Variants in MCUB observed in about 807,000 individuals in gnomAD.
The protein encoded by MCUB is calcium uniporter regulatory subunit MCUb, mitochondrial.
Under a neutral mutation model 41.4 loss-of-function variants are expected in MCUB, and 46 were observed. That is an observed-to-expected ratio of 1.11 (90% CI 0.88 to 1.42). The LOEUF is 1.42. Ranked by LOEUF, MCUB falls within the 40% of genes most tolerant of loss-of-function variation. MCUB has a pLI of 0.00. For synonymous variants in MCUB, 148 were observed against 148.2 expected (o/e 1.00, Z 0.01); for missense variants, 403 against 404.9 (o/e 1.00, Z 0.04).
intron 4 of MCUB, 52 bp from the exon 5 acceptor site, chr4:109,682,530 C>A (rs1266664726): frequency 4.8e-6 from 7 of 1,471,212 alleles, no homozygotes; most frequent in Admixed American, 4.1e-5. Context: ...GATTTACACA[C>A]CCTGCGGGAA....
At chr4:109,589,903 C>T (rs1003180747) in intron 1 of MCUB, among the ~76,000 whole-genome samples, 10 of 152,220 alleles carry the variant, frequency 6.6e-5, no homozygotes, top group Non-Finnish European at 1.5e-4. Flanking sequence ...TTATTTAGAA[C>T]TGCCTTATCA....
At chr4:109,666,675 AACGGTCTTGTATCAGAT>A (rs1261281794) in intron 4 of MCUB, among the ~76,000 whole-genome samples, 1 of 152,142 alleles carries the variant, frequency 6.6e-6, no homozygotes, top group African/African-American at 2.4e-5. Flanking sequence ...TGTTTGGGAT[AACGGTCTTGTATCAGAT>A]ACGTCTTTTG....
Position 109,687,871 on chromosome 4 carries a change from G to A in MCUB, c.*279G>A. On this transcript the variant is annotated 3_prime_UTR_variant, in exon 8 of 8. Coordinates refer to ENST00000394650, the MANE Select transcript of MCUB (RefSeq NM_017918.5). ...GTCCCACGTTTATTCTCTATGTGGAGGTGAAAGGGTCTGTGCTTGGCATTC... is the reference window on the plus strand; with the variant it reads ...GTCCCACGTTTATTCTCTATGTGGAAGTGAAAGGGTCTGTGCTTGGCATTC... 1 of 368,090 alleles carries A rather than the reference G, an allele frequency of 2.7e-6. No individual in the cohort carries two copies. Among genetic ancestry groups the A allele is most frequent in the Non-Finnish European group, 4.9e-6 (1 of 204,866 alleles). The allele number at this position is 368,090 out of a possible 1,614,324, so 22.8% of individuals were successfully genotyped here. A position where few individuals can be genotyped will look rare whatever the true frequency, so the allele number is the denominator to read the frequency against.
intron 1 of MCUB, among the ~76,000 whole-genome samples, chr4:109,656,354 C>CTTTTT (rs752851425): frequency 8.0e-5 from 5 of 62,116 alleles, no homozygotes; most frequent in Admixed American, 2.6e-4. Context: ...TTACTCTCTA[C>CTTTTT]TTTTTTTTTT....
In MCUB at chr4:109,687,718, T is replaced by C; in HGVS notation, c.*126T>C. The C allele has an allele frequency of 1.5e-6, 1 of 661,392 alleles. No homozygotes were observed. Among genetic ancestry groups the C allele is most frequent in the Admixed American group, 3.0e-5 (1 of 33,568 alleles). 41.0% of individuals were successfully genotyped at this position (661,392 alleles called of 1,614,324 possible). ...TTATTAAATTCTTGTAAAACAGAAG[T>C]ATTGTTTGAAGTTCTCAACTGAGAT... On this transcript the variant is annotated 3_prime_UTR_variant, in exon 8 of 8. Coordinates refer to ENST00000394650, the MANE Select transcript of MCUB (RefSeq NM_017918.5).
intron 2 of MCUB, among the ~76,000 whole-genome samples, chr4:109,659,717 C>A (rs556437676): frequency 2.0e-5 from 3 of 152,324 alleles, no homozygotes; most frequent in Admixed American, 6.5e-5. Context: ...AGTGCAGTGG[C>A]ACGATCTCGG....
intron 1 of MCUB, among the ~76,000 whole-genome samples, chr4:109,567,860 G>A (rs1384168588): frequency 6.6e-6 from 1 of 151,962 alleles, no homozygotes; most frequent in Admixed American, 6.6e-5. Flanking sequence ...CACCATGCCT[G>A]GCTAATTTTT....
chr4:109,607,291 C>T (rs1463604182), intron 1 of MCUB, among the ~76,000 whole-genome samples: 2 of 152,074 alleles, frequency 1.3e-5, no homozygotes, highest in Non-Finnish European at 2.9e-5. Context: ...GATCTTGGCT[C>T]ACTGCAACCT....
At chr4:109,670,500 C>T (rs1324904583) in intron 4 of MCUB, among the ~76,000 whole-genome samples, 1 of 152,070 alleles carries the variant, frequency 6.6e-6, no homozygotes, top group Non-Finnish European at 1.5e-5. Flanking sequence ...GTGGGGATCA[C>T]TGGGTCAGGA....
At chr4:109,628,813 C>T (rs919219165) in intron 1 of MCUB, among the ~76,000 whole-genome samples, 2 of 152,154 alleles carry the variant, frequency 1.3e-5, no homozygotes, top group South Asian at 2.1e-4. Context: ...AGGACGTGGG[C>T]GCAGGCCCTG....
At chr4:109,681,399 TTGTCTC>T (rs764651752) in intron 4 of MCUB, 6 of 443,852 alleles carry the variant, frequency 1.4e-5, no homozygotes. Flanking sequence ...GGGTCTAAAG[TTGTCTC>T]TGGCGATCTA....
At position 109,613,333 on chromosome 4, in the gene MCUB, C is replaced by T. The variant is rs139019932; in HGVS notation, c.100-45678C>T. On this transcript the variant is annotated intron_variant, in intron 1 of 7. Coordinates refer to ENST00000394650, the MANE Select transcript of MCUB (RefSeq NM_017918.5). ...ATTTATTAGCTCAGTTTCTGTAGTC[C>T]GGGAATCCAGGTATGCTGAGGTCTC... 6.0e-3 allele frequency among the ~76,000 whole-genome samples: 913 copies of T among 152,156 alleles called. 25 individuals carry two copies. In the East Asian group the frequency reaches 0.067, roughly 11 times the overall value.
intron 1 of MCUB, among the ~76,000 whole-genome samples, chr4:109,566,171 T>C (rs1190101102): frequency 1.3e-5 from 2 of 150,822 alleles, no homozygotes; most frequent in African/African-American, 4.8e-5. Context: ...TCAATTTCTT[T>C]TGAAAGGAAA....
intron 1 of MCUB, among the ~76,000 whole-genome samples, chr4:109,634,142 C>A (rs145545504): frequency 6.6e-6 from 1 of 152,040 alleles, no homozygotes; most frequent in Admixed American, 6.6e-5. Context: ...TCATGCCATG[C>A]AGTTAGAATC....
chr4:109,569,497 CTTTTTTTTTTTTTT>C (rs35808519), intron 1 of MCUB, among the ~76,000 whole-genome samples: 2 of 87,198 alleles, frequency 2.3e-5, no homozygotes, highest in Non-Finnish European at 4.0e-5. Context: ...TTGGCTATCC[CTTTTTTTTTTTTTT>C]TTTTTTTTTT....
chr4:109,576,319 G>C (rs1408871362), intron 1 of MCUB, among the ~76,000 whole-genome samples: 1 of 152,060 alleles, frequency 6.6e-6, no homozygotes, highest in Non-Finnish European at 1.5e-5. Flanking sequence ...AAGTCAAGTA[G>C]GTATTTGTTT....
intron 7 of MCUB, among the ~76,000 whole-genome samples, chr4:109,685,997 G>A (rs548810692): frequency 6.6e-6 from 1 of 152,122 alleles, no homozygotes; most frequent in Non-Finnish European, 1.5e-5. Flanking sequence ...AAAAAGTTTG[G>A]TAAAAATATC....
intron 3 of MCUB, 94 bp from the exon 4 acceptor site, chr4:109,664,196 G>A: frequency 1.4e-6 from 1 of 712,242 alleles, no homozygotes; most frequent in Non-Finnish European, 2.5e-6. Flanking sequence ...CTATTATATT[G>A]TAAAGACCTG....
intron 1 of MCUB, among the ~76,000 whole-genome samples, chr4:109,573,848 AGAT>A (rs1328404415): frequency 6.7e-6 from 1 of 149,648 alleles, no homozygotes; most frequent in African/African-American, 2.5e-5. Context: ...TTCTTGTAGG[AGAT>A]GATTAAAAGG....
Sources: gnomAD v4.1 joint callset for allele counts (sites outside exome capture counted in the v4.1 genomes callset) on GRCh38, gnomAD v4.1.1 for gene constraint, MANE v1.5 for transcripts, NCBI Gene and HGNC (gene_info 2026-07-23, HGNC 2026-07-21) for gene names.